CSMD1: variants seen among roughly 807,000 people sequenced by gnomAD.
CSMD1 encodes the protein CUB and Sushi multiple domains 1.
Under a neutral mutation model 417.5 loss-of-function variants are expected in CSMD1, and 213 were observed. That is an observed-to-expected ratio of 0.51 (90% CI 0.46 to 0.57). The LOEUF is 0.57. Ranked by LOEUF, CSMD1 falls within the 20% of genes least tolerant of loss-of-function variation. The pLI is 0.00. For synonymous variants in CSMD1, 2,862 were observed against 1,736.8 expected (o/e 1.65, Z -16.11); for missense variants, 6,923 against 4,529.7 (o/e 1.53, Z -15.17).
intron 1 of CSMD1, among the ~76,000 whole-genome samples, chr8:4,883,272 G>C (rs962882598): frequency 1.3e-5 from 2 of 151,998 alleles, no homozygotes; most frequent in African/African-American, 4.8e-5. Flanking sequence ...AGCTAATATA[G>C]ATACAAGATA....
At chr8:3,775,095 A>C (rs574936409) in intron 5 of CSMD1, among the ~76,000 whole-genome samples, 2 of 152,198 alleles carry the variant, frequency 1.3e-5, no homozygotes, top group African/African-American at 4.8e-5. Flanking sequence ...GGAATTTTCT[A>C]TTTAATGTTT....
intron 25 of CSMD1, among the ~76,000 whole-genome samples, chr8:3,299,567 T>TAAAAAG (rs1554505452): frequency 1.3e-5 from 2 of 151,618 alleles, no homozygotes; most frequent in African/African-American, 2.4e-5. Flanking sequence ...GTCTGGCAGA[T>TAAAAAG]AAAAGCACGC....
chr8:4,127,126 C>T (rs765282591), intron 3 of CSMD1, among the ~76,000 whole-genome samples: 6 of 151,958 alleles, frequency 3.9e-5, no homozygotes, highest in Non-Finnish European at 7.4e-5. Flanking sequence ...CAGAGAAATG[C>T]TTCTCTGATC....
intron 2 of CSMD1, among the ~76,000 whole-genome samples, chr8:4,420,876 G>A (rs12114400): frequency 3.7e-4 from 57 of 152,202 alleles, no homozygotes; most frequent in African/African-American, 1.4e-3. Flanking sequence ...TGTGAAGCCT[G>A]GTCTGTCCTC....
chr8:4,767,273 C>A (rs1812528911), intron 1 of CSMD1, among the ~76,000 whole-genome samples: 1 of 152,148 alleles, frequency 6.6e-6, no homozygotes, highest in Non-Finnish European at 1.5e-5. Flanking sequence ...CTTTTAAATG[C>A]CAATTAAAAC....
At chr8:3,224,918 T>G (rs572448986) in intron 27 of CSMD1, among the ~76,000 whole-genome samples, 2 of 152,334 alleles carry the variant, frequency 1.3e-5, no homozygotes, top group Admixed American at 1.3e-4. Flanking sequence ...GTTTAAAAGT[T>G]GTTTATATCA....
intron 3 of CSMD1, among the ~76,000 whole-genome samples, chr8:4,044,049 G>C (rs954879976): frequency 2.0e-5 from 3 of 151,982 alleles, no homozygotes; most frequent in Non-Finnish European, 4.4e-5. Flanking sequence ...TGAATAATTA[G>C]GAGACTGGGG....
intron 2 of CSMD1, among the ~76,000 whole-genome samples, chr8:4,438,398 T>C (rs1798268279): frequency 6.6e-6 from 1 of 152,094 alleles, no homozygotes; most frequent in South Asian, 2.1e-4. Flanking sequence ...ATAAATACAG[T>C]TGAAGTTGGT....
At chr8:4,399,790 G>T in intron 3 of CSMD1, among the ~76,000 whole-genome samples, 1 of 152,274 alleles carries the variant, frequency 6.6e-6, no homozygotes, top group South Asian at 2.1e-4. Flanking sequence ...ATTTCTAAAA[G>T]ATGCATCTGC....
At chr8:4,098,895 C>G (rs968904114) in intron 3 of CSMD1, among the ~76,000 whole-genome samples, 2 of 152,252 alleles carry the variant, frequency 1.3e-5, no homozygotes, top group South Asian at 2.1e-4. Context: ...TGAGGACCAA[C>G]TGTGGGTTAG....
chr8:4,650,526 T>G (rs1563067609), intron 1 of CSMD1, among the ~76,000 whole-genome samples: 1 of 152,174 alleles, frequency 6.6e-6, no homozygotes, highest in Non-Finnish European at 1.5e-5. Context: ...TTATTTTAGC[T>G]TGGTTTTGCG....
intron 5 of CSMD1, among the ~76,000 whole-genome samples, chr8:3,982,322 T>G (rs1813946684): frequency 2.0e-5 from 3 of 151,990 alleles, no homozygotes; most frequent in East Asian, 3.9e-4. Flanking sequence ...TACACAATCC[T>G]TCTCTGCCTC....
chr8:4,066,587 C>T (rs545740154), intron 3 of CSMD1, among the ~76,000 whole-genome samples: 4 of 152,146 alleles, frequency 2.6e-5, no homozygotes, highest in Admixed American at 6.5e-5. Context: ...TTGTAGTTCA[C>T]GTGATTATAC....
intron 3 of CSMD1, among the ~76,000 whole-genome samples, chr8:4,398,582 A>C (rs1804428611): frequency 6.6e-6 from 1 of 151,598 alleles, no homozygotes; most frequent in Non-Finnish European, 1.5e-5. Context: ...TTTTTAGTAG[A>C]GACGGGGTTT....
chr8:4,165,082 G>A (rs377107144), intron 3 of CSMD1, among the ~76,000 whole-genome samples: 1 of 152,110 alleles, frequency 6.6e-6, no homozygotes, highest in Non-Finnish European at 1.5e-5. Flanking sequence ...GGTGGGTACA[G>A]ATGTGTGTTT....
chr8:4,278,245 T>A (rs1433402625), intron 3 of CSMD1, among the ~76,000 whole-genome samples: 1 of 152,188 alleles, frequency 6.6e-6, no homozygotes, highest in East Asian at 1.9e-4. Context: ...AGTATAGTGA[T>A]TAAAATTCAG....
intron 2 of CSMD1, among the ~76,000 whole-genome samples, chr8:4,578,751 T>G (rs1473413677): frequency 6.8e-6 from 1 of 147,642 alleles, no homozygotes; most frequent in East Asian, 2.1e-4. Context: ...GAGGGGGAGG[T>G]TGCAGTGAGC....
intron 23 of CSMD1, among the ~76,000 whole-genome samples, chr8:3,334,641 C>T (rs1238489557): frequency 6.6e-6 from 1 of 152,222 alleles, no homozygotes; most frequent in Non-Finnish European, 1.5e-5. Flanking sequence ...TATCAGATCA[C>T]CCACCTTCAC....
intron 3 of CSMD1, among the ~76,000 whole-genome samples, chr8:4,345,712 C>A (rs1329994179): frequency 6.6e-6 from 1 of 152,062 alleles, no homozygotes; most frequent in Non-Finnish European, 1.5e-5. Context: ...AAAGGCTCAA[C>A]GTCATGAATT....
Sources: gnomAD v4.1 joint callset for allele counts (sites outside exome capture counted in the v4.1 genomes callset) on GRCh38, gnomAD v4.1.1 for gene constraint, MANE v1.5 for transcripts, NCBI Gene and HGNC (gene_info 2026-07-23, HGNC 2026-07-21) for gene names.